ALG14: variants seen among roughly 807,000 people sequenced by gnomAD.
ALG14 encodes ALG14 UDP-N-acetylglucosaminyltransferase subunit.
A neutral mutation model predicts 22.8 loss-of-function variants in ALG14; 17 were observed. The ratio of observed to expected loss-of-function variants is 0.75; its 90% CI spans 0.51 to 1.12. The LOEUF (loss-of-function observed/expected upper bound fraction) is 1.12. Ranked by LOEUF, ALG14 falls within the 50% of genes most tolerant of loss-of-function variation. The pLI is 0.00. For synonymous variants in ALG14, 89 were observed against 103.7 expected (o/e 0.86, Z 0.86); for missense variants, 288 against 271.8 (o/e 1.06, Z -0.42).
intron 3 of ALG14, among the ~76,000 whole-genome samples, chr1:95,000,816 A>G (rs1276292634): frequency 6.6e-6 from 1 of 151,512 alleles, no homozygotes; most frequent in Non-Finnish European, 1.5e-5. Flanking sequence ...GAAGAAAGAG[A>G]AAATCACCAA....
In ALG14 at chr1:95,072,658, G is replaced by C. The variant is rs74823097; in HGVS notation, c.136+105C>G. ...GCAGAGAAACTACAAATCTCTGCAT[G>C]CAACACTCCAAGAAGTGCTAAGGGT... On this transcript the variant is annotated intron_variant, in intron 1 of 3. Coordinates refer to ENST00000370205, the MANE Select transcript of ALG14 (RefSeq NM_144988.4). The C allele has an allele frequency of 5.3e-4, 776 of 1,467,850 alleles. 1 individual carries two copies. In the African/African-American group the frequency reaches 9.8e-3, roughly 19 times the overall value. The allele number at this position is 1,467,850 out of a possible 1,614,324, so 90.9% of individuals were successfully genotyped here.
rs76650128 is a variant in ALG14 at position 94,980,332 on chromosome 1, T to TA, written c.*2743dup. On this transcript the variant is annotated 3_prime_UTR_variant, in exon 4 of 4. Transcript: ENST00000370205. ...TTTTGGGCATCCTTTTTGAAACAGT[T>TA]AGACATTCTGACCTGGCAAGCTACT... 0.076 allele frequency: 11,569 copies of TA among 152,226 alleles called. 479 individuals carry two copies. The highest frequency in any genetic ancestry group is 0.1 in the Middle Eastern group (30 of 294). The allele number at this position is 152,226 out of a possible 1,614,324, so 9.4% of individuals were successfully genotyped here. A position where few individuals can be genotyped will look rare whatever the true frequency, so the allele number is the denominator to read the frequency against.
At chr1:95,018,502 C>T (rs1418023012) in intron 3 of ALG14, among the ~76,000 whole-genome samples, 1 of 151,946 alleles carries the variant, frequency 6.6e-6, no homozygotes, top group African/African-American at 2.4e-5. Context: ...TGTCAATGCA[C>T]TCCAGCCTGG....
intron 3 of ALG14, among the ~76,000 whole-genome samples, chr1:95,011,821 T>C (rs531123360): frequency 3.0e-4 from 45 of 152,344 alleles, no homozygotes; most frequent in African/African-American, 7.7e-4. Context: ...TATTCTTTAT[T>C]ATTAGAATCT....
Position 94,983,903 on chromosome 1 carries a change from G to A in ALG14, c.421-597C>T, listed in dbSNP as rs1311900678. On this transcript the variant is annotated intron_variant, in intron 3 of 3. Coordinates refer to ENST00000370205, the MANE Select transcript of ALG14 (RefSeq NM_144988.4). ...ACTACAGGCGCCCGCCACCACACCC[G>A]GCTAATTTTTTTTTGTATTTTTAGT... 4.0e-5 allele frequency among the ~76,000 whole-genome samples: 6 copies of A among 151,724 alleles called. No homozygotes were observed. The East Asian group carries it at 5.8e-4, about 15-fold the overall frequency.
Position 95,020,738 on chromosome 1 carries a change from C to CAAA in ALG14, c.420+6388_420+6390dup, listed in dbSNP as rs113601264. 2.0e-3 allele frequency among the ~76,000 whole-genome samples: 269 copies of CAAA among 137,678 alleles called. 3 individuals are homozygous for CAAA. In the East Asian group the frequency reaches 0.05, roughly 26 times the overall value. 90.3% of individuals were successfully genotyped at this position (137,678 alleles called of 152,430 possible). On this transcript the variant is annotated intron_variant, in intron 3 of 3. Coordinates refer to ENST00000370205, the MANE Select transcript of ALG14 (RefSeq NM_144988.4). Reference sequence around the variant, plus strand: ...GGGCAACAAGAGCAAAACTCCGTCTCAAAAAAAAAAAACAAAACAAAAAAC... The same window carrying CAAA: ...GGGCAACAAGAGCAAAACTCCGTCTCAAAAAAAAAAAAAAACAAAACAAAAAAC...
At position 95,064,889 on chromosome 1, in the gene ALG14, C is replaced by T. The variant is rs748880414; in HGVS notation, c.265G>A (p.Ala89Thr). 3.1e-6 allele frequency: 5 copies of T among 1,613,752 alleles called. No homozygotes were observed. The highest frequency in any genetic ancestry group is 2.2e-5 in the East Asian group (1 of 44,886). The change falls in exon 2 of 4, where the codon GCT becomes ACT. Residue 89 changes from alanine (A) to threonine (T), a missense_variant. By Grantham distance (58) the Ala-to-Thr change is moderately conservative. Transcript: ENST00000370205. ...ACCATGTTACTAGGGTCTCTATCAG[C>T]TCGATCTAGTTCAAAAGAATTTATT... ...NKINSFELDR[A>T]DRDPSNMYTK... is the part of the protein sequence containing the mutation.
chr1:95,023,072 C>T (rs781296294), intron 3 of ALG14, among the ~76,000 whole-genome samples: 3 of 151,810 alleles, frequency 2.0e-5, no homozygotes, highest in Non-Finnish European at 4.4e-5. Flanking sequence ...ACAGAAAACA[C>T]CTAATCAAAA....
chr1:95,023,142 T>C (rs1192481739), intron 3 of ALG14, among the ~76,000 whole-genome samples: 4 of 152,142 alleles, frequency 2.6e-5, no homozygotes, highest in African/African-American at 9.7e-5. Context: ...TCAACTTTTT[T>C]TTTTGAGACG....
At chr1:95,035,768 T>C (rs1216491305) in intron 2 of ALG14, 1 of 152,210 alleles carries the variant, frequency 6.6e-6, no homozygotes, top group Non-Finnish European at 1.5e-5. Context: ...CCAGATGGCA[T>C]CATAAACCAC....
chr1:95,048,224 CTAAT>C (rs1674624109), intron 2 of ALG14, among the ~76,000 whole-genome samples: 1 of 152,176 alleles, frequency 6.6e-6, no homozygotes, highest in African/African-American at 2.4e-5. Flanking sequence ...AGTGGGAAAT[CTAAT>C]TAAGTGGCCT....
chr1:95,036,222 A>T (rs1674189509), intron 2 of ALG14, among the ~76,000 whole-genome samples: 1 of 151,980 alleles, frequency 6.6e-6, no homozygotes, highest in South Asian at 2.1e-4. Context: ...GACCAAGTGG[A>T]GATAATTGAA....
At chr1:95,066,748 G>T (rs1675383263) in intron 1 of ALG14, among the ~76,000 whole-genome samples, 2 of 151,916 alleles carry the variant, frequency 1.3e-5, no homozygotes, top group Non-Finnish European at 2.9e-5. Flanking sequence ...AAACAAAAAA[G>T]TTAGGCCAGG....
intron 3 of ALG14, among the ~76,000 whole-genome samples, chr1:95,016,959 G>GTGTGTA (rs1214945866): frequency 6.7e-6 from 1 of 149,080 alleles, no homozygotes; most frequent in East Asian, 2.0e-4. Flanking sequence ...GTGTGTGTGT[G>GTGTGTA]TGTGTGTGTG....
At chr1:95,060,125 C>A (rs566575849) in intron 2 of ALG14, among the ~76,000 whole-genome samples, 15 of 87,372 alleles carry the variant, frequency 1.7e-4, no homozygotes, top group Non-Finnish European at 1.6e-4. Context: ...TACATACACA[C>A]ACAAACACAC....
At chr1:94,987,676 A>C (rs1672678023) in intron 3 of ALG14, among the ~76,000 whole-genome samples, 1 of 152,212 alleles carries the variant, frequency 6.6e-6, no homozygotes, top group South Asian at 2.1e-4. Flanking sequence ...CTCATGGATA[A>C]GAAAAATAAG....
rs1394771815 is a variant in ALG14, at chr1:94,981,135, G to A, written c.*1941C>T. The A allele has an allele frequency of 6.6e-6, 1 of 152,228 alleles. No homozygotes were observed. The highest frequency in any genetic ancestry group is 1.5e-5 in the Non-Finnish European group (1 of 68,036). The allele number at this position is 152,228 out of a possible 1,614,324, so 9.4% of individuals were successfully genotyped here. ...AGAAAGCCTTAAACAGCAATAAAAT[G>A]CAGATGCTGTTGTCCCTGAAAAAAT... On this transcript the variant is annotated 3_prime_UTR_variant, in exon 4 of 4. Coordinates refer to ENST00000370205, the MANE Select transcript of ALG14 (RefSeq NM_144988.4).
At chr1:95,060,342 CG>C (rs1419900377) in intron 2 of ALG14, among the ~76,000 whole-genome samples, 2 of 150,922 alleles carry the variant, frequency 1.3e-5, no homozygotes, top group Non-Finnish European at 2.9e-5. Context: ...CCCCAGTAGG[CG>C]ACTGTTAGTA....
In ALG14 at chr1:95,013,343, T is replaced by TA. The variant is rs576522976; in HGVS notation, c.420+13785_420+13786insT. ...CCTGCTCTTGTTTTGATTTATTTAT[T>TA]TTTTTTTTTTGAGACAAGAGTCTTG... On this transcript the variant is annotated intron_variant, in intron 3 of 3. Coordinates refer to ENST00000370205, the MANE Select transcript of ALG14 (RefSeq NM_144988.4). Among the ~76,000 whole-genome samples the TA allele has an allele frequency of 3.2e-3, 479 of 149,732 alleles. 1 individual carries two copies. Among genetic ancestry groups the TA allele is most frequent in the African/African-American group, 0.011 (463 of 41,254 alleles).
Sources: gnomAD v4.1 joint callset for allele counts (sites outside exome capture counted in the v4.1 genomes callset) on GRCh38, gnomAD v4.1.1 for gene constraint, MANE v1.5 for transcripts, NCBI Gene and HGNC (gene_info 2026-07-23, HGNC 2026-07-21) for gene names.